TOPAZ1: variants seen among roughly 807,000 people sequenced by gnomAD.
TOPAZ1 encodes protein TOPAZ1.
Under a neutral mutation model 172.2 loss-of-function variants are expected in TOPAZ1, and 66 were observed. The observed-to-expected ratio is 0.38, with a 90% CI of 0.31 to 0.47. The LOEUF (loss-of-function observed/expected upper bound fraction) is 0.47, where lower values mean the gene tolerates loss of function less well. TOPAZ1 is among the 20% of genes least tolerant of loss of function. The pLI is 0.99. For synonymous variants in TOPAZ1, 681 were observed against 683.9 expected (o/e 1.00, Z 0.07); for missense variants, 1,822 against 1,972.4 (o/e 0.92, Z 1.44).
In TOPAZ1 at chr3:44,304,101, A is replaced by G. The variant is rs1700307739; in HGVS notation, c.3864+20A>G. On this transcript the variant is annotated intron_variant, in intron 13 of 19. Transcript: ENST00000309765. ...TTAGAGGTATGACATTTATTATTTTAAATACATTGCTGGGATCTCTGAAAA... is the reference window on the plus strand; with the variant it reads ...TTAGAGGTATGACATTTATTATTTTGAATACATTGCTGGGATCTCTGAAAA... 1 of 1,363,332 alleles carries G rather than the reference A, an allele frequency of 7.3e-7. No homozygotes were observed. The highest frequency in any genetic ancestry group is 2.2e-5 in the Admixed American group (1 of 46,276). 84.5% of individuals were successfully genotyped at this position (1,363,332 alleles called of 1,614,324 possible).
At chr3:44,300,762 C>A (rs182713494) in intron 12 of TOPAZ1, among the ~76,000 whole-genome samples, 1 of 150,806 alleles carries the variant, frequency 6.6e-6, no homozygotes, top group Admixed American at 6.6e-5. Context: ...AACTCCTGGG[C>A]ATTTATCCTA....
chr3:44,245,761 G>T (rs1258374375), intron 2 of TOPAZ1, among the ~76,000 whole-genome samples: 1 of 151,982 alleles, frequency 6.6e-6, no homozygotes, highest in Admixed American at 6.6e-5. Flanking sequence ...GGATGGTCTT[G>T]ATCTCCTGAC....
chr3:44,293,741 GTATATAGTAT>G (rs1317889237), intron 12 of TOPAZ1, among the ~76,000 whole-genome samples: 1 of 152,086 alleles, frequency 6.6e-6, no homozygotes, highest in East Asian at 1.9e-4. Context: ...TGTAGCCTAA[GTATATAGTAT>G]TTGTAAAGTC....
chr3:44,320,825 C>T (rs910948849), intron 16 of TOPAZ1, among the ~76,000 whole-genome samples: 2 of 151,904 alleles, frequency 1.3e-5, no homozygotes, highest in African/African-American at 4.8e-5. Context: ...ACAAAGTGGC[C>T]ATTTGTTTGC....
chr3:44,302,806 G>A (rs1700290842), intron 12 of TOPAZ1, among the ~76,000 whole-genome samples: 1 of 151,952 alleles, frequency 6.6e-6, no homozygotes, highest in Non-Finnish European at 1.5e-5. Context: ...GTATTATTAT[G>A]TGGTTTTTTT....
At chr3:44,283,852 G>A (rs1032684676) in intron 9 of TOPAZ1, among the ~76,000 whole-genome samples, 1 of 152,066 alleles carries the variant, frequency 6.6e-6, no homozygotes, top group Non-Finnish European at 1.5e-5. Flanking sequence ...GCATATTTCC[G>A]AAAAACAGGC....
At position 44,244,903 on chromosome 3, in the gene TOPAZ1, T is replaced by C; in HGVS notation, c.2397T>C (p.Ala799=). The change falls in exon 2 of 20, where the codon GCT becomes GCC. Residue 799 remains alanine (A), a synonymous_variant. Transcript: ENST00000309765. ...ATATTGTTTCTAATAAAGAAGTTGC[T>C]TCTCTCACAGTTGAAAATAATGCTT... ...PGNIVSNKEV[A]SLTVENNAFS... The C allele has an allele frequency of 6.4e-7, 1 of 1,551,774 alleles. No individual in the cohort carries two copies. Among genetic ancestry groups the C allele is most frequent in the Non-Finnish European group, 8.7e-7 (1 of 1,147,004 alleles).
At chr3:44,246,698 A>G (rs1189657739) in intron 2 of TOPAZ1, among the ~76,000 whole-genome samples, 1 of 152,180 alleles carries the variant, frequency 6.6e-6, no homozygotes, top group Non-Finnish European at 1.5e-5. Flanking sequence ...CTCTAAACCT[A>G]GTGATTGTCT....
intron 8 of TOPAZ1, among the ~76,000 whole-genome samples, chr3:44,277,430 A>C (rs1699972697): frequency 6.6e-6 from 1 of 152,200 alleles, no homozygotes; most frequent in South Asian, 2.1e-4. Context: ...AAAATCATAT[A>C]ATTAGCAAAG....
At chr3:44,289,175 G>C (rs1700109116) in intron 11 of TOPAZ1, among the ~76,000 whole-genome samples, 1 of 152,146 alleles carries the variant, frequency 6.6e-6, no homozygotes, top group Non-Finnish European at 1.5e-5. Flanking sequence ...TTCTCTTGCA[G>C]GTTTGTTTAT....
In TOPAZ1 at chr3:44,267,107, A is replaced by G. The variant is rs1476373463; in HGVS notation, c.3131A>G (p.Glu1044Gly). The change falls in exon 6 of 20, where the codon GAA (glutamate) becomes GGA (glycine). Residue 1044 changes from glutamate (E) to glycine (G), a missense_variant. Glu to Gly is a moderately conservative substitution (Grantham distance 98). Around this residue, in one of 2 missense-constraint regions of TOPAZ1, gnomAD observed 1,489 missense variants for 1,490.8 expected, o/e 1.00. Transcript: ENST00000309765. ...VPPLNLSGRQ[E>G]DTILNTWMND... is the part of the protein sequence containing the mutation. ...CCTTTGAATCTAAGTGGTCGTCAAG[A>G]AGACACAATACTGAATACCTGGATG... 13 of 1,545,804 alleles carry G rather than the reference A, an allele frequency of 8.4e-6. No individual in the cohort carries two copies. The highest frequency in any genetic ancestry group is 4.1e-5 in the African/African-American group (3 of 72,882).
chr3:44,261,942 T>A (rs1395835077), intron 4 of TOPAZ1, among the ~76,000 whole-genome samples: 1 of 152,162 alleles, frequency 6.6e-6, no homozygotes, highest in African/African-American at 2.4e-5. Flanking sequence ...AGTTTAATAT[T>A]TGAACATGTA....
At chr3:44,310,448 G>A (rs1238452904) in intron 16 of TOPAZ1, among the ~76,000 whole-genome samples, 4 of 152,132 alleles carry the variant, frequency 2.6e-5, no homozygotes, top group South Asian at 4.1e-4. Context: ...GCAGTGAGCC[G>A]AGATCGCGCA....
At position 44,331,834 on chromosome 3, in the gene TOPAZ1, T is replaced by A; in HGVS notation, c.4902T>A (p.Ala1634=). 6.4e-7 allele frequency: 1 copy of A among 1,552,170 alleles called. No individual in the cohort carries two copies. Among genetic ancestry groups the A allele is most frequent in the Non-Finnish European group, 8.7e-7 (1 of 1,147,094 alleles). ...NQSRSNDDYQ[A]AVERLIMAAR... ...CTCGGAGCAATGATGATTATCAAGC[T>A]GCAGTAGAAAGGTTAATTATGGCTG... Residue 1634 remains alanine, a synonymous_variant, in exon 20 of 20, where the codon GCT becomes GCA. Transcript: ENST00000309765.
Position 44,287,399 on chromosome 3 carries a change from T to C in TOPAZ1, c.3447T>C (p.Phe1149=). 6.8e-7 allele frequency: 1 copy of C among 1,474,466 alleles called. No homozygotes were observed. The highest frequency in any genetic ancestry group is 9.0e-7 in the Non-Finnish European group (1 of 1,108,586). The allele number at this position is 1,474,466 out of a possible 1,614,324, so 91.3% of individuals were successfully genotyped here. ...LCLLQRAVNI[F]MEYYRKFPPG... ...TATTTTCATTTTCAGTAAACATATT[T>C]ATGGAGTACTACAGAAAGTTTCCCC... The change falls in exon 10 of 20, where the codon TTT becomes TTC. Residue 1149 remains phenylalanine (F), a synonymous_variant. Transcript: ENST00000309765.
chr3:44,274,650 G>T lies in TOPAZ1; in HGVS notation c.3372+3840G>T, dbSNP rs965556137. Among the ~76,000 whole-genome samples the T allele has an allele frequency of 4.0e-5, 6 of 151,836 alleles. No homozygotes were observed. The East Asian group carries it at 7.9e-4, about 20-fold the overall frequency. On this transcript the variant is annotated intron_variant, in intron 8 of 19. Transcript: ENST00000309765. ...GCTCACTGTAACCTCCGCCTCCCGG[G>T]TTCAAGCGATTCTCCTGCCTCAGCC...
At chr3:44,297,669 C>T (rs946158560) in intron 12 of TOPAZ1, among the ~76,000 whole-genome samples, 8 of 151,762 alleles carry the variant, frequency 5.3e-5, no homozygotes, top group African/African-American at 1.7e-4. Flanking sequence ...AGCTAGCATA[C>T]AGATTGGAAG....
chr3:44,254,942 T>C, intron 2 of TOPAZ1, 26 bp from the exon 3 acceptor site: 3 of 1,517,000 alleles, frequency 2.0e-6, no homozygotes, highest in Non-Finnish European at 2.7e-6. Flanking sequence ...TATTATAATG[T>C]TTAAGCTCTG....
chr3:44,306,971 A>G (rs7633526), intron 15 of TOPAZ1, among the ~76,000 whole-genome samples: 125,978 of 152,130 alleles, frequency 0.83, 52,208 homozygotes, highest in Middle Eastern at 0.9. Flanking sequence ...AGTATCAGTT[A>G]TATTGTAATT....
Sources: allele counts gnomAD v4.1 joint callset (sites outside exome capture counted in the v4.1 genomes callset), GRCh38; gene constraint gnomAD v4.1.1; regional missense constraint gnomAD v4.1.1; transcripts MANE v1.5; gene names NCBI Gene and HGNC (gene_info 2026-07-23, HGNC 2026-07-21).